Variants in CREB5 observed in about 807,000 individuals in gnomAD.
CREB5 encodes the protein cAMP responsive element binding protein 5.
A neutral mutation model predicts 57.1 loss-of-function variants in CREB5; 19 were observed. The ratio of observed to expected loss-of-function variants is 0.33; its 90% CI spans 0.23 to 0.49. The LOEUF is 0.49. Among genes scored for constraint, CREB5 ranks in the 20% least tolerant of loss-of-function variants. The pLI, the probability that CREB5 is intolerant of heterozygous loss-of-function variation, is 0.99. For synonymous variants in CREB5, 238 were observed against 238.3 expected (o/e 1.00, Z 0.01); for missense variants, 579 against 671.6 (o/e 0.86, Z 1.52).
chr7:28,560,060 A>G (rs750262225), intron 4 of CREB5, among the ~76,000 whole-genome samples: 35 of 152,224 alleles, frequency 2.3e-4, no homozygotes, highest in Non-Finnish European at 4.6e-4. Context: ...GTAAGATAAT[A>G]TGTATGTTAC....
chr7:28,639,874 T>G (rs1798578580), intron 5 of CREB5, among the ~76,000 whole-genome samples: 1 of 152,186 alleles, frequency 6.6e-6, no homozygotes. Flanking sequence ...AATTCACAAC[T>G]GGCTATGTTT....
intron 7 of CREB5, among the ~76,000 whole-genome samples, chr7:28,767,137 T>G (rs184356616): frequency 6.6e-6 from 1 of 152,370 alleles, no homozygotes; most frequent in Admixed American, 6.5e-5. Context: ...CTTCATGTCA[T>G]GACTTAATTT....
chr7:28,373,047 C>G (rs1786744247), intron 1 of CREB5, among the ~76,000 whole-genome samples: 2 of 152,138 alleles, frequency 1.3e-5, no homozygotes, highest in African/African-American at 2.4e-5. Flanking sequence ...CAGTCTGGTT[C>G]TCTGGGCCTC....
chr7:28,632,001 A>G (rs944532815), intron 5 of CREB5, among the ~76,000 whole-genome samples: 2 of 152,174 alleles, frequency 1.3e-5, no homozygotes, highest in East Asian at 1.9e-4. Context: ...TTTTATGCAT[A>G]TAAGGGCACT....
At chr7:28,432,451 G>A (rs956544642) in intron 1 of CREB5, among the ~76,000 whole-genome samples, 1 of 152,172 alleles carries the variant, frequency 6.6e-6, no homozygotes, top group Non-Finnish European at 1.5e-5. Context: ...GGTCATCTGG[G>A]ATTTTCAAAT....
chr7:28,815,316 A>ATATC (rs1809368851), intron 9 of CREB5, among the ~76,000 whole-genome samples: 2 of 152,190 alleles, frequency 1.3e-5, no homozygotes, highest in Non-Finnish European at 2.9e-5. Flanking sequence ...ATATTCACAT[A>ATATC]TATCTTTAAA....
intron 5 of CREB5, among the ~76,000 whole-genome samples, chr7:28,674,703 G>T (rs1800234790): frequency 6.6e-6 from 1 of 152,188 alleles, no homozygotes; most frequent in African/African-American, 2.4e-5. Flanking sequence ...GTTGGCACAA[G>T]CCTGTATCAC....
chr7:28,559,083 A>G (rs1794979727), intron 4 of CREB5, among the ~76,000 whole-genome samples: 1 of 152,032 alleles, frequency 6.6e-6, no homozygotes, highest in African/African-American at 2.4e-5. Flanking sequence ...CATTGTTGCC[A>G]TCTGTTTATC....
At chr7:28,443,696 A>C (rs1354445502) in intron 1 of CREB5, among the ~76,000 whole-genome samples, 1 of 152,120 alleles carries the variant, frequency 6.6e-6, no homozygotes, top group Non-Finnish European at 1.5e-5. Context: ...TAGGCCACTA[A>C]CTTGTCCCCT....
intron 5 of CREB5, among the ~76,000 whole-genome samples, chr7:28,603,692 T>C (rs1030793457): frequency 6.6e-6 from 1 of 152,228 alleles, no homozygotes; most frequent in African/African-American, 2.4e-5. Flanking sequence ...ATTTTCCTCA[T>C]TGTGGTTCAA....
chr7:28,420,807 C>CA lies in CREB5; in HGVS notation c.3+7912dup, dbSNP rs10540496. The stretch of plus-strand genomic sequence containing the variant: ...TGTGCTTTGCAGCAAGACTCCATCT[C>CA]AAAAAAAAAAAAAAAAAAAAAAGGT... On this transcript the variant is annotated intron_variant, in intron 1 of 10. Coordinates refer to ENST00000357727, the MANE Select transcript of CREB5 (RefSeq NM_182898.4). Among the ~76,000 whole-genome samples the CA allele has an allele frequency of 6.9e-3, 638 of 92,898 alleles. 9 individuals carry two copies. Among genetic ancestry groups the CA allele is most frequent in the African/African-American group, 0.022 (540 of 24,620 alleles). 60.9% of individuals were successfully genotyped at this position (92,898 alleles called of 152,430 possible).
At chr7:28,619,780 G>C (rs1217022926) in intron 5 of CREB5, among the ~76,000 whole-genome samples, 1 of 152,202 alleles carries the variant, frequency 6.6e-6, no homozygotes, top group Non-Finnish European at 1.5e-5. Flanking sequence ...GCATTTCCAA[G>C]TCTTGTGGGG....
At chr7:28,597,678 C>A (rs1259017916) in intron 5 of CREB5, among the ~76,000 whole-genome samples, 1 of 152,092 alleles carries the variant, frequency 6.6e-6, no homozygotes, top group African/African-American at 2.4e-5. Context: ...ATGACATCAA[C>A]CTCTCTCTCA....
intron 1 of CREB5, among the ~76,000 whole-genome samples, chr7:28,398,897 G>T (rs1787390954): frequency 1.3e-5 from 2 of 151,922 alleles, no homozygotes; most frequent in Non-Finnish European, 2.9e-5. Context: ...AAATTTTGTT[G>T]TAGAGACAGG....
At chr7:28,621,253 G>A (rs1435057927) in intron 5 of CREB5, among the ~76,000 whole-genome samples, 1 of 152,122 alleles carries the variant, frequency 6.6e-6, no homozygotes. Context: ...CAGGTCAGGT[G>A]GTGTGTAAAA....
At chr7:28,741,726 C>T (rs1292419874) in intron 7 of CREB5, among the ~76,000 whole-genome samples, 1 of 152,120 alleles carries the variant, frequency 6.6e-6, no homozygotes, top group Non-Finnish European at 1.5e-5. Flanking sequence ...AGCAAGGGCA[C>T]GGATCTCCCA....
At chr7:28,547,997 C>G (rs1794483522) in intron 4 of CREB5, among the ~76,000 whole-genome samples, 1 of 152,142 alleles carries the variant, frequency 6.6e-6, no homozygotes, top group Non-Finnish European at 1.5e-5. Context: ...GAACTTGGGT[C>G]TTTTGCATCC....
At chr7:28,448,359 T>C (rs192736797) in intron 1 of CREB5, among the ~76,000 whole-genome samples, 1 of 152,238 alleles carries the variant, frequency 6.6e-6, no homozygotes, top group Non-Finnish European at 1.5e-5. Flanking sequence ...GAACCCTGAC[T>C]AACACAGTGT....
At chr7:28,622,259 T>TCACACACA (rs4000593) in intron 5 of CREB5, among the ~76,000 whole-genome samples, 78 of 142,900 alleles carry the variant, frequency 5.5e-4, no homozygotes, top group African/African-American at 1.8e-3. Context: ...TCTCTCTCTC[T>TCACACACA]CACACACACA....
Sources: gnomAD v4.1 joint callset for allele counts (sites outside exome capture counted in the v4.1 genomes callset) on GRCh38, gnomAD v4.1.1 for gene constraint, MANE v1.5 for transcripts, NCBI Gene and HGNC (gene_info 2026-07-23, HGNC 2026-07-21) for gene names.